FAAH2: variants seen among roughly 807,000 people sequenced by gnomAD.
FAAH2 encodes fatty-acid amide hydrolase 2.
FAAH2 carries 60 observed loss-of-function variants against 36.9 expected under a neutral mutation model. The ratio of observed to expected loss-of-function variants is 1.63; its 90% CI spans 1.32 to 2.02. The LOEUF (loss-of-function observed/expected upper bound fraction) is 2.02. Ranked by LOEUF, FAAH2 falls within the 30% of genes most tolerant of loss-of-function variation. The pLI, the probability that FAAH2 is intolerant of heterozygous loss-of-function variation, is 0.00. For synonymous variants in FAAH2, 214 were observed against 143.8 expected, an observed-to-expected ratio of 1.49 and a Z score of -3.49; for missense variants, 689 against 397.5, an observed-to-expected ratio of 1.73 and a Z score of -6.23.
rs183410347 is a variant in FAAH2 at position 57,338,921 on chromosome X, T to A, written c.623-2350T>A. Among the ~76,000 whole-genome samples, 562 of 111,473 alleles carry A rather than the reference T, an allele frequency of 5.0e-3. 4 individuals are homozygous for A. The highest frequency in any genetic ancestry group is 0.017 in the African/African-American group (522 of 30,673). On this transcript the variant is annotated intron_variant, in intron 4 of 10. Coordinates refer to ENST00000374900, the MANE Select transcript of FAAH2 (RefSeq NM_174912.4). ...TAGGAAAAAAAAACCTATTTTAAAA[T>A]TCACGTGGAGACAAAAAAGAGCCCG... is the stretch of plus-strand genomic sequence containing the variant.
At chrX:57,397,432 T>G (rs2055331640) in intron 7 of FAAH2, among the ~76,000 whole-genome samples, 1 of 112,255 alleles carries the variant, frequency 8.9e-6, no homozygotes, top group Non-Finnish European at 1.9e-5. Context: ...CCATATTTAG[T>G]ACTTCTATGA....
intron 7 of FAAH2, among the ~76,000 whole-genome samples, chrX:57,417,614 C>A (rs760015693): frequency 9.0e-6 from 1 of 111,664 alleles, no homozygotes; most frequent in Non-Finnish European, 1.9e-5. Context: ...TTTCTCTCAG[C>A]GGGGCAACTT....
chrX:57,257,527 A>G, the FAAH2 span, among the ~76,000 whole-genome samples: 1 of 108,755 alleles, frequency 9.2e-6, no homozygotes, highest in Non-Finnish European at 1.9e-5. Flanking sequence ...GGAATATCAC[A>G]CACCATTGCC....
intron 9 of FAAH2, among the ~76,000 whole-genome samples, chrX:57,448,137 A>G (rs2056717283): frequency 9.0e-6 from 1 of 111,247 alleles, no homozygotes; most frequent in Admixed American, 9.6e-5. Flanking sequence ...TACAGGGCTC[A>G]CCACCACACC....
intron 5 of FAAH2, among the ~76,000 whole-genome samples, chrX:57,368,958 C>T (rs1005692658): frequency 9.2e-6 from 1 of 109,019 alleles, no homozygotes; most frequent in Non-Finnish European, 1.9e-5. Context: ...AGTACACAGA[C>T]ACACACTGCA....
intron 2 of FAAH2, among the ~76,000 whole-genome samples, chrX:57,305,474 C>T (rs924982338): frequency 3.6e-5 from 4 of 111,603 alleles, no homozygotes; most frequent in Admixed American, 9.6e-5. Context: ...ACCTCAACTG[C>T]TGTCACTTTA....
At chrX:57,278,058 A>G in the FAAH2 span, among the ~76,000 whole-genome samples, 25 of 111,982 alleles carry the variant, frequency 2.2e-4, no homozygotes, top group African/African-American at 8.1e-4. Context: ...TTCTTCACAG[A>G]ATTGGAAAAA....
Position 57,437,908 on chromosome X carries a change from T to C in FAAH2, c.1116+5871T>C, listed in dbSNP as rs779831548. 1.3e-4 allele frequency among the ~76,000 whole-genome samples: 13 copies of C among 103,637 alleles called. No individual in the cohort carries two copies. The South Asian group carries it at 4.0e-3, about 32-fold the overall frequency. 90.0% of individuals were successfully genotyped at this position (103,637 alleles called of 115,157 possible). A position where few individuals can be genotyped will look rare whatever the true frequency, so the allele number is the denominator to read the frequency against. On this transcript the variant is annotated intron_variant, in intron 8 of 10. Coordinates refer to ENST00000374900, the MANE Select transcript of FAAH2 (RefSeq NM_174912.4). ...ACATACGTATATGTATACACATATA[T>C]ACATACGTACATGTATACACATATA...
intron 10 of FAAH2, among the ~76,000 whole-genome samples, chrX:57,458,327 C>A (rs1569359091): frequency 9.0e-6 from 1 of 111,310 alleles, no homozygotes; most frequent in Admixed American, 9.5e-5. Flanking sequence ...AATGTAAGAC[C>A]TCAAACTATA....
chrX:57,401,644 A>G (rs1381698077), intron 7 of FAAH2, among the ~76,000 whole-genome samples: 1 of 111,425 alleles, frequency 9.0e-6, no homozygotes, highest in African/African-American at 3.3e-5. Context: ...ATCTTTTGGA[A>G]TCCTTGTTGG....
chrX:57,345,773 T>G (rs1356514629), intron 5 of FAAH2, among the ~76,000 whole-genome samples: 2 of 111,568 alleles, frequency 1.8e-5, no homozygotes, highest in Admixed American at 1.9e-4. Context: ...ATCTTAAACT[T>G]TACTCTTAAC....
intron 10 of FAAH2, among the ~76,000 whole-genome samples, chrX:57,455,678 T>C (rs948345847): frequency 2.7e-5 from 3 of 111,953 alleles, no homozygotes; most frequent in African/African-American, 9.7e-5. Context: ...TAACAAATTT[T>C]AAACCAGCAA....
rs776794753 is a variant in FAAH2, at chrX:57,420,653, A to T, written c.997-11265A>T. Among the ~76,000 whole-genome samples the T allele has an allele frequency of 1.5e-3, 166 of 109,203 alleles. 1 individual carries two copies. Among genetic ancestry groups the T allele is most frequent in the Middle Eastern group, 4.7e-3 (1 of 214 alleles). The allele number at this position is 109,203 out of a possible 115,157, so 94.8% of individuals were successfully genotyped here. A position where few individuals can be genotyped will look rare whatever the true frequency, so the allele number is the denominator to read the frequency against. The stretch of plus-strand genomic sequence containing the variant: ...AATGTGGTTTTCTAGATATACAATC[A>T]TGTCATCTGCAAACAGGGACAATTT... On this transcript the variant is annotated intron_variant, in intron 7 of 10. Transcript: ENST00000374900.
At chrX:57,276,568 A>C in the FAAH2 span, among the ~76,000 whole-genome samples, 1 of 111,800 alleles carries the variant, frequency 8.9e-6, no homozygotes, top group Non-Finnish European at 1.9e-5. Context: ...AGAAATAACT[A>C]AGATCAGAGC....
chrX:57,315,693 T>G (rs1052659393), intron 3 of FAAH2, among the ~76,000 whole-genome samples: 3 of 111,614 alleles, frequency 2.7e-5, no homozygotes, highest in Non-Finnish European at 5.7e-5. Context: ...AAAATAACTT[T>G]TGATATAATT....
Position 57,448,700 on chromosome X carries a change from T to A in FAAH2, c.1405T>A (p.Phe469Ile), listed in dbSNP as rs201612478. 2.2e-5 allele frequency: 26 copies of A among 1,208,691 alleles called. No individual in the cohort carries two copies. The highest frequency in any genetic ancestry group is 2.8e-5 in the Non-Finnish European group (25 of 893,509). The change falls in exon 10 of 11, where the codon TTC (phenylalanine) becomes ATC (isoleucine). Residue 469 changes from phenylalanine (F) to isoleucine (I), a missense_variant. Transcript: ENST00000374900. ...PKHHVPLTRP[F>I]NFAYTGVFSA... ...GCATCATGTCCCTCTAACACGGCCTTTCAACTTTGCTTACACAGGTACCTA... is the reference window on the plus strand; with the variant it reads ...GCATCATGTCCCTCTAACACGGCCTATCAACTTTGCTTACACAGGTACCTA...
chrX:57,245,441 A>G, the FAAH2 span, among the ~76,000 whole-genome samples: 5 of 112,000 alleles, frequency 4.5e-5, no homozygotes, highest in Admixed American at 9.5e-5. Context: ...TCTCAGCACC[A>G]CATCACACTT....
intron 3 of FAAH2, among the ~76,000 whole-genome samples, chrX:57,330,778 G>T (rs777144695): frequency 1.8e-5 from 2 of 111,169 alleles, no homozygotes; most frequent in Non-Finnish European, 3.8e-5. Flanking sequence ...AAATAGAAAA[G>T]AACCTATGTG....
chrX:57,328,424 T>C (rs1197731585), intron 3 of FAAH2, among the ~76,000 whole-genome samples: 1 of 112,262 alleles, frequency 8.9e-6, no homozygotes. Context: ...GTGTTTTTTT[T>C]CTATACTGAC....
Sources: allele counts gnomAD v4.1 joint callset (sites outside exome capture counted in the v4.1 genomes callset), GRCh38; gene constraint gnomAD v4.1.1; transcripts MANE v1.5; gene names NCBI Gene and HGNC (gene_info 2026-07-23, HGNC 2026-07-21).